The following CACNA2D1 variants were observed in gnomAD, a reference collection of about 807,000 sequenced individuals.
CACNA2D1 encodes voltage-dependent calcium channel subunit alpha-2/delta-1.
Under a neutral mutation model 171.5 loss-of-function variants are expected in CACNA2D1, and 53 were observed. That is an observed-to-expected ratio of 0.31 (90% CI 0.25 to 0.39). The LOEUF (loss-of-function observed/expected upper bound fraction) is 0.39, where lower values mean the gene tolerates loss of function less well. CACNA2D1 is among the 10% of genes least tolerant of loss of function. The pLI, the probability that CACNA2D1 is intolerant of heterozygous loss-of-function variation, is 1.00. For missense variants in CACNA2D1, 903 were observed against 1,299.8 expected (o/e 0.69, Z 4.69); for synonymous variants, 442 against 443.1 (o/e 1.00, Z 0.03).
chr7:82,151,624 C>A (rs1793863845), intron 4 of CACNA2D1, among the ~76,000 whole-genome samples: 1 of 152,076 alleles, frequency 6.6e-6, no homozygotes, highest in African/African-American at 2.4e-5. Context: ...AATAAAACTA[C>A]TTCAGTCATA....
intron 3 of CACNA2D1, among the ~76,000 whole-genome samples, chr7:82,209,254 C>A (rs1003059739): frequency 6.6e-6 from 1 of 152,172 alleles, no homozygotes; most frequent in Admixed American, 6.5e-5. Context: ...AAACTCTTCA[C>A]TTCTACTTAT....
At chr7:82,438,098 T>C (rs1248576061) in intron 1 of CACNA2D1, among the ~76,000 whole-genome samples, 2 of 152,180 alleles carry the variant, frequency 1.3e-5, no homozygotes, top group African/African-American at 2.4e-5. Context: ...CCCGTCTCTA[T>C]AGGACTTGAG....
intron 16 of CACNA2D1, among the ~76,000 whole-genome samples, chr7:82,006,388 C>T (rs965859353): frequency 6.6e-6 from 1 of 151,890 alleles, no homozygotes; most frequent in Non-Finnish European, 1.5e-5. Flanking sequence ...TTCTATATAC[C>T]AAGCAACAGG....
At chr7:81,972,250 A>G (rs1301239768) in intron 25 of CACNA2D1, among the ~76,000 whole-genome samples, 1 of 151,298 alleles carries the variant, frequency 6.6e-6, no homozygotes, top group Admixed American at 6.6e-5. Context: ...AAAATTTTAT[A>G]TATGTATATA....
intron 3 of CACNA2D1, among the ~76,000 whole-genome samples, chr7:82,269,522 T>C (rs923924744): frequency 6.6e-6 from 1 of 152,220 alleles, no homozygotes; most frequent in African/African-American, 2.4e-5. Context: ...TCAGAGAATA[T>C]AGATGAGTTT....
At chr7:82,197,906 GCA>G (rs142413891) in intron 3 of CACNA2D1, among the ~76,000 whole-genome samples, 3 of 150,920 alleles carry the variant, frequency 2.0e-5, no homozygotes, top group African/African-American at 7.3e-5. Flanking sequence ...ATGACATTAT[GCA>G]CACACACACA....
chr7:82,011,962 T>C (rs1407566013), intron 15 of CACNA2D1, 192 bp downstream of exon 15: 3 of 569,478 alleles, frequency 5.3e-6, no homozygotes, highest in Non-Finnish European at 9.4e-6. Context: ...ACTTTGCATT[T>C]GTAGTTTTCT....
At chr7:81,965,715 C>T (rs1794650037) in intron 31 of CACNA2D1, 50 bp from the exon 32 acceptor site, 1 of 1,081,770 alleles carries the variant, frequency 9.2e-7, no homozygotes, top group Non-Finnish European at 1.4e-6. Context: ...GGTTAGGAGG[C>T]TGCATTGTCT....
At chr7:82,236,438 A>G (rs1160284505) in intron 3 of CACNA2D1, among the ~76,000 whole-genome samples, 8 of 152,086 alleles carry the variant, frequency 5.3e-5, no homozygotes, top group Admixed American at 5.2e-4. Flanking sequence ...TAACTAATGC[A>G]CAACAACATC....
chr7:82,326,788 G>A (rs1244321844), intron 3 of CACNA2D1, among the ~76,000 whole-genome samples: 1 of 121,156 alleles, frequency 8.3e-6, no homozygotes, highest in East Asian at 2.2e-4. Context: ...CTACTTACTT[G>A]AACTCTTATT....
intron 2 of CACNA2D1, among the ~76,000 whole-genome samples, chr7:82,339,573 G>A (rs1003393233): frequency 6.6e-6 from 1 of 152,186 alleles, no homozygotes; most frequent in African/African-American, 2.4e-5. Context: ...GTTAACTTCT[G>A]AGTCAATGGC....
chr7:82,319,539 A>G (rs185015036), intron 3 of CACNA2D1, among the ~76,000 whole-genome samples: 32 of 152,358 alleles, frequency 2.1e-4, no homozygotes, highest in Non-Finnish European at 3.5e-4. Context: ...GCACATAAAT[A>G]TAACACTTGA....
At chr7:82,157,907 T>G (rs1039657011) in intron 4 of CACNA2D1, among the ~76,000 whole-genome samples, 2 of 151,930 alleles carry the variant, frequency 1.3e-5, no homozygotes, top group African/African-American at 4.8e-5. Context: ...GGTAACAAAC[T>G]CCAACATTTA....
At chr7:82,260,756 CT>C (rs1387464072) in intron 3 of CACNA2D1, among the ~76,000 whole-genome samples, 3 of 152,080 alleles carry the variant, frequency 2.0e-5, no homozygotes, top group Admixed American at 1.3e-4. Flanking sequence ...ACAGCAAAGC[CT>C]GTTTTTAACA....
chr7:82,313,339 GACA>G (rs1432050869), intron 3 of CACNA2D1, among the ~76,000 whole-genome samples: 1 of 147,618 alleles, frequency 6.8e-6, no homozygotes, highest in East Asian at 2.0e-4. Context: ...AGGGCCTGCA[GACA>G]ACAATAGCCC....
intron 1 of CACNA2D1, among the ~76,000 whole-genome samples, chr7:82,430,216 A>G (rs2129458636): frequency 6.6e-6 from 1 of 152,158 alleles, no homozygotes; most frequent in South Asian, 2.1e-4. Context: ...CAGGAGCCCG[A>G]GACCAGCCTG....
intron 10 of CACNA2D1, among the ~76,000 whole-genome samples, chr7:82,057,838 G>A (rs1806136505): frequency 6.6e-6 from 1 of 152,122 alleles, no homozygotes; most frequent in Non-Finnish European, 1.5e-5. Context: ...GGGAAATTAG[G>A]AAAGGTATTA....
chr7:82,172,995 AAC>A (rs1796201212), intron 3 of CACNA2D1, among the ~76,000 whole-genome samples: 1 of 151,996 alleles, frequency 6.6e-6, no homozygotes, highest in African/African-American at 2.4e-5. Context: ...CAGCAAACAA[AAC>A]ACACTAGTGA....
intron 2 of CACNA2D1, chr7:82,343,282 T>C (rs1402687174): frequency 2.6e-5 from 4 of 152,174 alleles, no homozygotes; most frequent in East Asian, 1.9e-4. Context: ...GAAGTCACAA[T>C]TGGTGAGCGT....
Sources: allele counts gnomAD v4.1 joint callset (sites outside exome capture counted in the v4.1 genomes callset), GRCh38; gene constraint gnomAD v4.1.1; transcripts MANE v1.5; gene names NCBI Gene and HGNC (gene_info 2026-07-23, HGNC 2026-07-21).